DYNC2H1: variants seen among roughly 807,000 people sequenced by gnomAD.
DYNC2H1 encodes dynein cytoplasmic 2 heavy chain 1, also known as cytoplasmic dynein 2 heavy chain 1.
Under a neutral mutation model 570.0 loss-of-function variants are expected in DYNC2H1, and 410 were observed. The observed-to-expected ratio is 0.72, with a 90% CI of 0.66 to 0.78. The LOEUF (loss-of-function observed/expected upper bound fraction) is 0.78. Ranked by LOEUF, DYNC2H1 falls within the 30% of genes least tolerant of loss-of-function variation. The probability of loss-of-function intolerance (pLI) is 0.00; values close to 1 mark genes in which losing one functional copy is unlikely to be tolerated. For synonymous variants in DYNC2H1, 1,688 were observed against 1,677.6 expected (o/e 1.01, Z -0.15); for missense variants, 4,865 against 5,046.4 (o/e 0.96, Z 1.09).
intron 84 of DYNC2H1, among the ~76,000 whole-genome samples, chr11:103,423,078 G>T (rs1292918976): frequency 1.3e-5 from 2 of 151,872 alleles, no homozygotes; most frequent in African/African-American, 4.8e-5. Flanking sequence ...GAAAAAAATG[G>T]AAGGTCTTAC....
chr11:103,410,103 G>A (rs914818264), intron 84 of DYNC2H1, among the ~76,000 whole-genome samples: 2 of 152,030 alleles, frequency 1.3e-5, no homozygotes, highest in African/African-American at 2.4e-5. Flanking sequence ...CTACACTTTG[G>A]TTTGTCCAAA....
At chr11:103,440,277 A>C (rs968105109) in intron 85 of DYNC2H1, among the ~76,000 whole-genome samples, 1 of 152,124 alleles carries the variant, frequency 6.6e-6, no homozygotes, top group Non-Finnish European at 1.5e-5. Context: ...TATCTCCCCC[A>C]TTATGCTTCC....
At chr11:103,313,824 T>A (rs1867702040) in intron 79 of DYNC2H1, among the ~76,000 whole-genome samples, 1 of 152,210 alleles carries the variant, frequency 6.6e-6, no homozygotes, top group Non-Finnish European at 1.5e-5. Context: ...AGCATTGTGT[T>A]GTTTCTTATA....
chr11:103,149,281 C>T (rs1479214294), intron 20 of DYNC2H1, among the ~76,000 whole-genome samples: 1 of 152,046 alleles, frequency 6.6e-6, no homozygotes, highest in Non-Finnish European at 1.5e-5. Context: ...CACATATACA[C>T]ATACATACAT....
At position 103,457,568 on chromosome 11, in the gene DYNC2H1, AAAAAT is replaced by A. The variant is rs1332529965; in HGVS notation, c.12648+1215_12648+1219del. Among the ~76,000 whole-genome samples, 19 of 116,768 alleles carry A rather than the reference AAAAAT, an allele frequency of 1.6e-4. No individual in the cohort carries two copies. The East Asian group carries it at 5.6e-3, about 34-fold the overall frequency. 76.6% of individuals were successfully genotyped at this position (116,768 alleles called of 152,430 possible). A position where few individuals can be genotyped will look rare whatever the true frequency, so the allele number is the denominator to read the frequency against. ...ATAAATTTTAAAAAGAAAAAACTTA[AAAAAT>A]AATGATATAAAACTATTTTTATACT... On this transcript the variant is annotated intron_variant, in intron 87 of 88. Transcript: ENST00000375735.
intron 31 of DYNC2H1, among the ~76,000 whole-genome samples, chr11:103,167,127 T>G (rs985787557): frequency 1.3e-5 from 2 of 151,468 alleles, no homozygotes; most frequent in African/African-American, 4.8e-5. Context: ...TTTCAAAGAA[T>G]TTTTCAGCTT....
intron 17 of DYNC2H1, among the ~76,000 whole-genome samples, chr11:103,138,384 T>C (rs1859693749): frequency 6.6e-6 from 1 of 152,178 alleles, no homozygotes. Flanking sequence ...TAGCTCTTAT[T>C]ATTTTGAGAT....
At chr11:103,348,399 G>C (rs934452112) in intron 82 of DYNC2H1, among the ~76,000 whole-genome samples, 1 of 152,100 alleles carries the variant, frequency 6.6e-6, no homozygotes, top group Non-Finnish European at 1.5e-5. Flanking sequence ...GCCACAACAA[G>C]ATAGTGAACA....
At chr11:103,300,882 A>C (rs1867018580) in intron 75 of DYNC2H1, among the ~76,000 whole-genome samples, 1 of 145,768 alleles carries the variant, frequency 6.9e-6, no homozygotes, top group African/African-American at 2.4e-5. Context: ...TTTTCCAAAT[A>C]AAATACACTT....
In DYNC2H1 at chr11:103,479,260, A is replaced by G. The variant is rs2135880060; in HGVS notation, c.*7A>G. The stretch of plus-strand genomic sequence containing the variant: ...ATTCCTAAAAAATCAGTAGAATCTA[A>G]TGACAACAAAAGCCATCTTCACAAA... On this transcript the variant is annotated 3_prime_UTR_variant, in exon 89 of 89. Transcript: ENST00000375735. 6.2e-7 allele frequency: 1 copy of G among 1,607,126 alleles called. No homozygotes were observed. The highest frequency in any genetic ancestry group is 8.5e-7 in the Non-Finnish European group (1 of 1,175,954).
intron 17 of DYNC2H1, among the ~76,000 whole-genome samples, chr11:103,141,641 T>C (rs1311253531): frequency 1.3e-5 from 2 of 152,126 alleles, no homozygotes; most frequent in Non-Finnish European, 2.9e-5. Context: ...GTTAGGCTGC[T>C]CAGGGGTCAG....
chr11:103,311,832 A>C (rs770915942), intron 78 of DYNC2H1, 46 bp from the exon 79 acceptor site: 7 of 1,528,082 alleles, frequency 4.6e-6, no homozygotes, highest in African/African-American at 4.2e-5. Flanking sequence ...AATATATTTT[A>C]CTTGTAGGAT....
At chr11:103,171,423 T>G (rs547082453) in intron 34 of DYNC2H1, among the ~76,000 whole-genome samples, 3 of 152,090 alleles carry the variant, frequency 2.0e-5, no homozygotes, top group East Asian at 3.9e-4. Context: ...GCCCAGCTAA[T>G]TTTTGTATTT....
intron 88 of DYNC2H1, among the ~76,000 whole-genome samples, chr11:103,474,810 C>T (rs995861129): frequency 2.6e-5 from 4 of 152,048 alleles, no homozygotes; most frequent in African/African-American, 7.2e-5. Flanking sequence ...TGGCACCATC[C>T]GCAGTCTCAG....
chr11:103,458,668 C>T (rs897056623), intron 87 of DYNC2H1, among the ~76,000 whole-genome samples: 10 of 103,732 alleles, frequency 9.6e-5, no homozygotes, highest in Non-Finnish European at 1.7e-4. Flanking sequence ...AGCTCTTTTT[C>T]CTGTTAAAAA....
intron 88 of DYNC2H1, among the ~76,000 whole-genome samples, chr11:103,478,540 C>G (rs117246609): frequency 0.025 from 3,785 of 152,122 alleles, 70 homozygotes; most frequent in Non-Finnish European, 0.04. Flanking sequence ...AAGGAACAGA[C>G]AGAGCAACGT....
At chr11:103,388,059 T>C (rs1429424495) in intron 83 of DYNC2H1, among the ~76,000 whole-genome samples, 1 of 152,192 alleles carries the variant, frequency 6.6e-6, no homozygotes, top group Non-Finnish European at 1.5e-5. Context: ...GGTAGCTTGA[T>C]GGGGATGGCA....
intron 1 of DYNC2H1, among the ~76,000 whole-genome samples, chr11:103,113,129 T>C (rs1391659490): frequency 6.6e-6 from 1 of 152,170 alleles, no homozygotes; most frequent in Non-Finnish European, 1.5e-5. Context: ...TACATTTTGT[T>C]ATAGACTTTC....
At chr11:103,111,667 G>A (rs1858122095) in intron 1 of DYNC2H1, among the ~76,000 whole-genome samples, 1 of 152,112 alleles carries the variant, frequency 6.6e-6, no homozygotes, top group African/African-American at 2.4e-5. Context: ...CTTGGCTTGG[G>A]TATTTGAAAG....
Sources: gnomAD v4.1 joint callset for allele counts (sites outside exome capture counted in the v4.1 genomes callset) on GRCh38, gnomAD v4.1.1 for gene constraint, MANE v1.5 for transcripts, NCBI Gene and HGNC (gene_info 2026-07-23, HGNC 2026-07-21) for gene names.